Variants in MEIS2 observed in about 807,000 individuals in gnomAD.
MEIS2 encodes homeobox protein Meis2.
In MEIS2, 9 loss-of-function variants were observed where a neutral mutation model predicts 58.6. The ratio of observed to expected loss-of-function variants is 0.15; its 90% CI spans 0.09 to 0.27. MEIS2 has a LOEUF of 0.27. MEIS2 is among the 10% of genes least tolerant of loss of function. The pLI is 1.00. For missense variants in MEIS2, 427 were observed against 635.0 expected (o/e 0.67, Z 3.52); for synonymous variants, 221 against 228.4 (o/e 0.97, Z 0.29).
chr15:37,076,405 T>C (rs1891422311), intron 7 of MEIS2, among the ~76,000 whole-genome samples: 1 of 151,972 alleles, frequency 6.6e-6, no homozygotes, highest in Non-Finnish European at 1.5e-5. Context: ...ACAAGTACTG[T>C]TCAGCCAAAA....
At chr15:36,967,898 A>G (rs1020953233) in intron 8 of MEIS2, among the ~76,000 whole-genome samples, 1 of 152,180 alleles carries the variant, frequency 6.6e-6, no homozygotes, top group East Asian at 1.9e-4. Flanking sequence ...GACTGTGATT[A>G]AGGGTATGTG....
intron 9 of MEIS2, among the ~76,000 whole-genome samples, chr15:36,939,969 A>T (rs764513818): frequency 2.0e-5 from 3 of 152,174 alleles, no homozygotes; most frequent in Admixed American, 6.5e-5. Context: ...CGATGGCAGG[A>T]TATTGGTTCC....
intron 9 of MEIS2, among the ~76,000 whole-genome samples, chr15:36,943,487 ACT>A (rs899628572): frequency 2.6e-5 from 4 of 152,038 alleles, no homozygotes; most frequent in Admixed American, 6.6e-5. Context: ...ATATTTAGAG[ACT>A]CTGCAAAAAA....
At chr15:36,985,065 G>A (rs1032743498) in intron 8 of MEIS2, among the ~76,000 whole-genome samples, 2 of 151,936 alleles carry the variant, frequency 1.3e-5, no homozygotes, top group African/African-American at 4.8e-5. Flanking sequence ...TTCTTCAGTT[G>A]AGAGAATTTG....
chr15:37,019,079 T>G (rs959967712), intron 8 of MEIS2, among the ~76,000 whole-genome samples: 83 of 144,464 alleles, frequency 5.7e-4, no homozygotes, highest in African/African-American at 2.0e-3. Context: ...AAAAAGTAAT[T>G]ATTGAGTACC....
At chr15:37,044,037 A>G (rs1237406565) in intron 7 of MEIS2, among the ~76,000 whole-genome samples, 1 of 152,112 alleles carries the variant, frequency 6.6e-6, no homozygotes, top group African/African-American at 2.4e-5. Flanking sequence ...CATTACCACA[A>G]GTAACTTCCA....
chr15:37,094,124 A>G (rs1183578916), intron 5 of MEIS2: 3 of 265,234 alleles, frequency 1.1e-5, no homozygotes, highest in African/African-American at 4.4e-5. Flanking sequence ...GTATGTTTCC[A>G]GGGGAAAGTA....
chr15:36,905,077 C>T (rs1347241261), intron 9 of MEIS2, among the ~76,000 whole-genome samples: 2 of 152,098 alleles, frequency 1.3e-5, no homozygotes, highest in South Asian at 2.1e-4. Context: ...GAAACACACA[C>T]ACACAGAGCA....
chr15:36,918,659 G>A (rs1268947964), intron 9 of MEIS2, among the ~76,000 whole-genome samples: 1 of 152,190 alleles, frequency 6.6e-6, no homozygotes, highest in African/African-American at 2.4e-5. Context: ...TGCAGAAAAG[G>A]TGGAGATAAC....
Position 37,098,111 on chromosome 15 carries a change from G to A in MEIS2, c.101C>T (p.Pro34Leu), listed in dbSNP as rs1894533329. ...CCCGTGGTTCAGGTGGTGAACCGGG[G>A]GGATCGGCCGCGGCGCGTGAGGGTC... ...YGDPHAPRPI[P>L]PVHHLNHGPP... Residue 34 changes from proline (P) to leucine (L), a missense_variant, in exon 2 of 12, where the codon CCC becomes CTC. Physicochemically the swap from Pro to Leu is moderately conservative, Grantham distance 98. This residue lies in a region of MEIS2 where 103 missense variants were observed against 111.8 expected (regional missense o/e 0.92). Coordinates refer to ENST00000561208, the MANE Select transcript of MEIS2 (RefSeq NM_170675.5). The A allele has an allele frequency of 5.0e-6, 8 of 1,613,714 alleles. No homozygotes were observed. The highest frequency in any genetic ancestry group is 6.8e-6 in the Non-Finnish European group (8 of 1,179,922).
intron 9 of MEIS2, among the ~76,000 whole-genome samples, chr15:36,914,701 A>C (rs539840642): frequency 6.6e-6 from 1 of 152,264 alleles, no homozygotes; most frequent in South Asian, 2.1e-4. Flanking sequence ...CAGTGGCTTG[A>C]GGGTAGTAAG....
At chr15:36,976,742 A>G (rs189629503) in intron 8 of MEIS2, among the ~76,000 whole-genome samples, 2 of 152,224 alleles carry the variant, frequency 1.3e-5, no homozygotes, top group Admixed American at 1.3e-4. Flanking sequence ...ATCAATGGAG[A>G]CATGCAATTC....
chr15:37,073,788 C>A (rs1345633511), intron 7 of MEIS2, among the ~76,000 whole-genome samples: 1 of 151,988 alleles, frequency 6.6e-6, no homozygotes, highest in Non-Finnish European at 1.5e-5. Context: ...ATTTTACACT[C>A]CCAGTCTACT....
At chr15:36,953,591 A>G (rs2058841475) in intron 8 of MEIS2, among the ~76,000 whole-genome samples, 1 of 152,202 alleles carries the variant, frequency 6.6e-6, no homozygotes, top group African/African-American at 2.4e-5. Flanking sequence ...CCTCATCAAG[A>G]AAGAGCCAGC....
In MEIS2 at chr15:36,892,203, G is replaced by A. The variant is rs561162293; in HGVS notation, c.1404C>T (p.Gly468=). 27 of 1,614,104 alleles carry A rather than the reference G, an allele frequency of 1.7e-5. No homozygotes were observed. Among genetic ancestry groups the A allele is most frequent in the South Asian group, 2.2e-5 (2 of 91,082 alleles). ...TMLNSVDPNV[G]GQVMDIHAQ is the part of the protein sequence containing the mutation. ...GGGCATGAATGTCCATAACCTGTCC[G>A]CCAACATTGGGATCTACAGAATTTA... is the stretch of plus-strand genomic sequence containing the variant. The change falls in exon 12 of 12, where the codon GGC becomes GGT. Residue 468 remains glycine, a synonymous_variant. Coordinates refer to ENST00000561208, the MANE Select transcript of MEIS2 (RefSeq NM_170675.5).
chr15:37,001,983 A>AT (rs147064288), intron 8 of MEIS2, among the ~76,000 whole-genome samples: 2,271 of 151,982 alleles, frequency 0.015, 69 homozygotes, highest in African/African-American at 0.052. Flanking sequence ...ATTCTATCTC[A>AT]TTTTTTTTGG....
At chr15:37,081,740 A>G (rs917758278) in intron 7 of MEIS2, among the ~76,000 whole-genome samples, 1 of 152,118 alleles carries the variant, frequency 6.6e-6, no homozygotes, top group Non-Finnish European at 1.5e-5. Context: ...ACTCATACAC[A>G]TAAGCTACCA....
intron 9 of MEIS2, among the ~76,000 whole-genome samples, chr15:36,906,651 G>GACAA (rs1414830117): frequency 2.1e-5 from 2 of 96,554 alleles, no homozygotes; most frequent in African/African-American, 8.1e-5. Flanking sequence ...AGCCACTCAA[G>GACAA]AAAAAAAAAA....
intron 8 of MEIS2, among the ~76,000 whole-genome samples, chr15:36,995,956 G>GATATATATATATAT (rs539738718): frequency 8.9e-6 from 1 of 112,964 alleles, no homozygotes; most frequent in African/African-American, 3.3e-5. Flanking sequence ...TCTAGTCTGA[G>GATATATATATATAT]ATATATATAT....
Sources: allele counts gnomAD v4.1 joint callset (sites outside exome capture counted in the v4.1 genomes callset), GRCh38; gene constraint gnomAD v4.1.1; regional missense constraint gnomAD v4.1.1; transcripts MANE v1.5; gene names NCBI Gene and HGNC (gene_info 2026-07-23, HGNC 2026-07-21).